Variants in BMERB1 observed in about 807,000 individuals in gnomAD.
The protein encoded by BMERB1 is bMERB domain containing 1, also known as bMERB domain-containing protein 1.
A neutral mutation model predicts 23.6 loss-of-function variants in BMERB1; 12 were observed. That is an observed-to-expected ratio of 0.51 (90% CI 0.33 to 0.82). The LOEUF is 0.82. BMERB1 is among the 40% of genes least tolerant of loss of function. The pLI is 0.03. For synonymous variants in BMERB1, 122 were observed against 96.6 expected, an observed-to-expected ratio of 1.26 and a Z score of -1.54; for missense variants, 247 against 255.4, an observed-to-expected ratio of 0.97 and a Z score of 0.22.
chr16:15,483,953 A>G (rs1166129305), intron 1 of BMERB1, among the ~76,000 whole-genome samples: 2 of 152,234 alleles, frequency 1.3e-5, no homozygotes, highest in African/African-American at 4.8e-5. Flanking sequence ...AGGTTATACA[A>G]GAAACATGGT....
intron 1 of BMERB1, chr16:15,502,294 G>A: frequency 6.4e-7 from 1 of 1,551,422 alleles, no homozygotes; most frequent in South Asian, 1.2e-5. Context: ...TGTGAAGCCT[G>A]TCAGTTTCCT....
chr16:15,565,616 AG>A (rs1469784725), intron 2 of BMERB1, among the ~76,000 whole-genome samples: 4 of 152,222 alleles, frequency 2.6e-5, no homozygotes, highest in South Asian at 4.1e-4. Flanking sequence ...TGGAAGGCCA[AG>A]GCGGGAGGAT....
At chr16:15,549,639 A>G (rs2030023610) in intron 2 of BMERB1, among the ~76,000 whole-genome samples, 1 of 151,866 alleles carries the variant, frequency 6.6e-6, no homozygotes, top group South Asian at 2.1e-4. Context: ...AGATCACGCC[A>G]CTGCACTCCA....
chr16:15,462,394 C>T (rs537405800), intron 1 of BMERB1, among the ~76,000 whole-genome samples: 6 of 152,002 alleles, frequency 3.9e-5, no homozygotes, highest in Admixed American at 6.6e-5. Flanking sequence ...CCTTGTGATC[C>T]GCCCGCCTTG....
chr16:15,468,410 G>C (rs896890076), intron 1 of BMERB1, among the ~76,000 whole-genome samples: 1 of 151,954 alleles, frequency 6.6e-6, no homozygotes, highest in East Asian at 1.9e-4. Context: ...TTCCCAAAGT[G>C]CTGGGATTAC....
At chr16:15,519,790 T>C (rs1324894756) in intron 2 of BMERB1, among the ~76,000 whole-genome samples, 1 of 152,182 alleles carries the variant, frequency 6.6e-6, no homozygotes, top group Non-Finnish European at 1.5e-5. Context: ...TTTTCTCAGC[T>C]GATTTAACTT....
intron 1 of BMERB1, among the ~76,000 whole-genome samples, chr16:15,480,700 G>A (rs1296778387): frequency 7.6e-6 from 1 of 132,356 alleles, no homozygotes; most frequent in Non-Finnish European, 1.5e-5. Context: ...TGTAACCTCC[G>A]TCTCCCAGGT....
At chr16:15,575,777 G>T (rs1272135949) in intron 3 of BMERB1, among the ~76,000 whole-genome samples, 1 of 152,032 alleles carries the variant, frequency 6.6e-6, no homozygotes, top group Non-Finnish European at 1.5e-5. Context: ...TGTAAATGAA[G>T]TAGTGGCCCA....
chr16:15,565,189 G>A (rs1245260124), intron 2 of BMERB1, among the ~76,000 whole-genome samples: 4 of 152,142 alleles, frequency 2.6e-5, no homozygotes, highest in Non-Finnish European at 5.9e-5. Flanking sequence ...GAGACGCTGA[G>A]GAACGAGGCA....
chr16:15,578,954 C>T (rs556921081), intron 3 of BMERB1, among the ~76,000 whole-genome samples: 1 of 152,286 alleles, frequency 6.6e-6, no homozygotes, highest in East Asian at 1.9e-4. Flanking sequence ...GAGACTTGGG[C>T]TAGTCATAGG....
chr16:15,436,172 C>CT (rs911405231), intron 1 of BMERB1, among the ~76,000 whole-genome samples: 16 of 151,430 alleles, frequency 1.1e-4, no homozygotes, highest in East Asian at 5.8e-4. Context: ...AGCATTTATC[C>CT]TTTTTTTTGT....
At chr16:15,489,258 G>A (rs2051395783) in intron 1 of BMERB1, among the ~76,000 whole-genome samples, 1 of 152,172 alleles carries the variant, frequency 6.6e-6, no homozygotes, top group African/African-American at 2.4e-5. Context: ...ACCTAAGAAA[G>A]GTGAATGGAT....
Position 15,583,186 on chromosome 16 carries a change from T to C in BMERB1, c.450T>C (p.Asp150=). The C allele has an allele frequency of 6.2e-7, 1 of 1,613,906 alleles. No individual in the cohort carries two copies. The highest frequency in any genetic ancestry group is 2.2e-5 in the East Asian group (1 of 44,876). ...REQEEDKEMA[D]FLRIKLKPLD... ...AAGAAGAAGACAAGGAAATGGCTGA[T>C]TTCCTGAGAATCAAGTTAAAACCTC... Residue 150 remains aspartate (D), a synonymous_variant, in exon 5 of 6, where the codon GAT becomes GAC. Coordinates refer to ENST00000300006, the MANE Select transcript of BMERB1 (RefSeq NM_033201.3).
intron 2 of BMERB1, among the ~76,000 whole-genome samples, chr16:15,541,606 T>TAA (rs2052081160): frequency 6.9e-6 from 1 of 145,562 alleles, no homozygotes; most frequent in African/African-American, 2.5e-5. Flanking sequence ...TTAATTTTTT[T>TAA]TTTTTTTTTT....
Position 15,519,089 on chromosome 16 carries a change from A to ACACACACG in BMERB1, c.230+3668_230+3669insGCACACAC, listed in dbSNP as rs780717498. Among the ~76,000 whole-genome samples the ACACACACG allele has an allele frequency of 5.5e-3, 802 of 146,308 alleles. 5 individuals carry two copies. The highest frequency in any genetic ancestry group is 0.021 in the African/African-American group (749 of 36,352). On this transcript the variant is annotated intron_variant, in intron 2 of 5. Transcript: ENST00000300006. ...ACAATCCTCTTACACACACACACAC[A>ACACACACG]CACACACACACACACACACGTGAGA...
intron 1 of BMERB1, among the ~76,000 whole-genome samples, chr16:15,501,463 T>C (rs1391728456): frequency 6.6e-6 from 1 of 151,562 alleles, no homozygotes; most frequent in South Asian, 2.1e-4. Context: ...CAGTTAATTT[T>C]TTTTGTTTGT....
rs139396166 is a variant in BMERB1 at position 15,575,602 on chromosome 16, G to A, written c.305-5615G>A. Among the ~76,000 whole-genome samples, 402 of 152,250 alleles carry A rather than the reference G, an allele frequency of 2.6e-3. 4 individuals are homozygous for A. The highest frequency in any genetic ancestry group is 8.9e-3 in the African/African-American group (371 of 41,568). On this transcript the variant is annotated intron_variant, in intron 3 of 5. Transcript: ENST00000300006. The stretch of plus-strand genomic sequence containing the variant: ...AAATGCACACACAAACAAAATAAGC[G>A]AGGAAAGAATGAAGCAACAAAAGCA...
rs542639293 is a variant in BMERB1 at position 15,521,116 on chromosome 16, G to A, written c.230+5688G>A. Among the ~76,000 whole-genome samples, 32 of 152,324 alleles carry A rather than the reference G, an allele frequency of 2.1e-4. 1 individual carries two copies. The South Asian group carries it at 6.6e-3, about 32-fold the overall frequency. ...TTTAGTTGGTCAGGGAGATGGATTT[G>A]AGACTGAGCTCCCATCTCCTTGGCT... is the stretch of plus-strand genomic sequence containing the variant. On this transcript the variant is annotated intron_variant, in intron 2 of 5. Transcript: ENST00000300006.
chr16:15,457,192 G>C (rs2051093963), intron 1 of BMERB1, among the ~76,000 whole-genome samples: 1 of 152,168 alleles, frequency 6.6e-6, no homozygotes, highest in Non-Finnish European at 1.5e-5. Flanking sequence ...TTAGAATGTG[G>C]AAGATACACA....
Sources: allele counts gnomAD v4.1 joint callset (sites outside exome capture counted in the v4.1 genomes callset), GRCh38; gene constraint gnomAD v4.1.1; transcripts MANE v1.5; gene names NCBI Gene and HGNC (gene_info 2026-07-23, HGNC 2026-07-21).